The following SAFB variants were observed in gnomAD, a reference collection of about 807,000 sequenced individuals.
SAFB encodes scaffold attachment factor B1.
In SAFB, 15 loss-of-function variants were observed where a neutral mutation model predicts 101.6. The ratio of observed to expected loss-of-function variants is 0.15; its 90% CI spans 0.10 to 0.23. The LOEUF is 0.23. Among genes scored for constraint, SAFB ranks in the 10% least tolerant of loss-of-function variants. The pLI is 1.00. For synonymous variants in SAFB, 449 were observed against 407.5 expected (o/e 1.10, Z -1.23); for missense variants, 930 against 1,104.1 (o/e 0.84, Z 2.23).
chr19:5,652,228 C>G (rs2053955531), intron 9 of SAFB, among the ~76,000 whole-genome samples: 1 of 151,996 alleles, frequency 6.6e-6, no homozygotes, highest in Admixed American at 6.6e-5. Flanking sequence ...CTAATTATGT[C>G]ATTATTACGG....
chr19:5,628,603 C>T (rs2053420305), intron 2 of SAFB, among the ~76,000 whole-genome samples: 1 of 152,130 alleles, frequency 6.6e-6, no homozygotes, highest in Non-Finnish European at 1.5e-5. Context: ...TAATTGAAGG[C>T]CTGGTTCTCA....
chr19:5,662,671 C>T (rs370358317), intron 15 of SAFB, among the ~76,000 whole-genome samples: 10 of 148,152 alleles, frequency 6.7e-5, no homozygotes, highest in African/African-American at 2.3e-4. Flanking sequence ...GATAGAGTCT[C>T]GCTCTGTTGC....
At chr19:5,638,317 C>A (rs1258678303) in intron 2 of SAFB, among the ~76,000 whole-genome samples, 1 of 151,992 alleles carries the variant, frequency 6.6e-6, no homozygotes, top group Non-Finnish European at 1.5e-5. Context: ...TTACTAAACT[C>A]TTTTTATTTT....
At chr19:5,661,191 C>T (rs550644906) in intron 14 of SAFB, among the ~76,000 whole-genome samples, 83 of 152,074 alleles carry the variant, frequency 5.5e-4, no homozygotes, top group African/African-American at 1.6e-3. Context: ...AAAGTGCTGG[C>T]ATTACAGATG....
intron 4 of SAFB, among the ~76,000 whole-genome samples, chr19:5,645,011 C>T (rs2053796688): frequency 6.6e-6 from 1 of 152,232 alleles, no homozygotes; most frequent in African/African-American, 2.4e-5. Context: ...AGCCCTCACC[C>T]TGTGCTCAGA....
At chr19:5,648,372 A>C in intron 6 of SAFB, 1 of 341,200 alleles carries the variant, frequency 2.9e-6, no homozygotes, top group Non-Finnish European at 5.3e-6. Context: ...GCACCCACAA[A>C]ACAGATCTTG....
intron 1 of SAFB, among the ~76,000 whole-genome samples, chr19:5,625,574 G>C (rs1057470240): frequency 6.6e-6 from 1 of 152,168 alleles, no homozygotes; most frequent in Non-Finnish European, 1.5e-5. Context: ...GGAGAGTAAA[G>C]ACTGGAAAAG....
chr19:5,629,330 C>A (rs568231502), intron 2 of SAFB, among the ~76,000 whole-genome samples: 1 of 152,216 alleles, frequency 6.6e-6, no homozygotes, highest in African/African-American at 2.4e-5. Flanking sequence ...ACTAGGGAGG[C>A]CAAGGTAGGA....
chr19:5,627,668 C>T lies in SAFB; in HGVS notation c.274+1179C>T, dbSNP rs147810740. On this transcript the variant is annotated intron_variant, in intron 2 of 20. Coordinates refer to ENST00000588852, the MANE Select transcript of SAFB (RefSeq NM_001201338.2). ...CTGTGCTTTAGTCAGGCCCCAAACA[C>T]GTGATTTACTCTCCTGGTTCTCTGT... is the stretch of plus-strand genomic sequence containing the variant. 2.0e-4 allele frequency among the ~76,000 whole-genome samples: 30 copies of T among 152,222 alleles called. No homozygotes were observed. The East Asian group carries it at 4.6e-3, about 24-fold the overall frequency.
At chr19:5,643,199 A>G (rs909744878) in intron 4 of SAFB, among the ~76,000 whole-genome samples, 10 of 152,178 alleles carry the variant, frequency 6.6e-5, no homozygotes, top group African/African-American at 2.4e-4. Context: ...AATGTTTGTC[A>G]GACAGAAAAA....
intron 2 of SAFB, among the ~76,000 whole-genome samples, chr19:5,641,329 A>G (rs1406390636): frequency 1.3e-5 from 2 of 152,174 alleles, no homozygotes; most frequent in Non-Finnish European, 2.9e-5. Context: ...AGCTGAGGAC[A>G]GGTCTGATCC....
At chr19:5,630,754 CAA>C (rs1027303210) in intron 2 of SAFB, among the ~76,000 whole-genome samples, 4 of 78,982 alleles carry the variant, frequency 5.1e-5, no homozygotes, top group Non-Finnish European at 8.1e-5. Flanking sequence ...AGCTTCGTCT[CAA>C]AAAAAAAAAA....
In SAFB at chr19:5,641,025, G is replaced by A. The variant is rs367877313; in HGVS notation, c.275-569G>A. On this transcript the variant is annotated intron_variant, in intron 2 of 20. Transcript: ENST00000588852. ...GCTCAGTGCAACCTCCGCCTCCTGG[G>A]TTCAAGTGATTGTCCTGTATTTTTA... is the stretch of plus-strand genomic sequence containing the variant. Among the ~76,000 whole-genome samples, 120 of 151,674 alleles carry A rather than the reference G, an allele frequency of 7.9e-4. 1 individual carries two copies. The highest frequency in any genetic ancestry group is 2.9e-3 in the African/African-American group (118 of 41,340).
chr19:5,629,777 G>A (rs1297329295), intron 2 of SAFB, among the ~76,000 whole-genome samples: 2 of 152,200 alleles, frequency 1.3e-5, no homozygotes, highest in Admixed American at 6.5e-5. Flanking sequence ...AGCTGTCCCG[G>A]CCAAGTTCAG....
At chr19:5,664,741 G>A in intron 17 of SAFB, 1 of 364,376 alleles carries the variant, frequency 2.7e-6, no homozygotes, top group Non-Finnish European at 5.2e-6. Context: ...ACCTGGCTCT[G>A]CTGGGAAGTG....
intron 2 of SAFB, among the ~76,000 whole-genome samples, chr19:5,630,051 CAAAAACAA>C (rs1050937237): frequency 6.6e-5 from 10 of 152,024 alleles, no homozygotes; most frequent in African/African-American, 2.4e-4. Context: ...AAAACAAAAA[CAAAAACAA>C]AAAGCTGTCC....
intron 9 of SAFB, among the ~76,000 whole-genome samples, chr19:5,652,276 G>A (rs1288792350): frequency 1.3e-5 from 2 of 152,142 alleles, no homozygotes; most frequent in Admixed American, 1.3e-4. Flanking sequence ...GTGATACAAG[G>A]TGTGTGGCTG....
intron 2 of SAFB, among the ~76,000 whole-genome samples, chr19:5,634,013 C>T (rs2053545096): frequency 6.6e-6 from 1 of 152,130 alleles, no homozygotes; most frequent in African/African-American, 2.4e-5. Context: ...TTGTTAATCA[C>T]TTCTCCAGGA....
chr19:5,640,551 G>A (rs1279229068), intron 2 of SAFB, among the ~76,000 whole-genome samples: 1 of 151,468 alleles, frequency 6.6e-6, no homozygotes, highest in Non-Finnish European at 1.5e-5. Context: ...TGATGGAAAT[G>A]TATAAGTTAA....
Sources: gnomAD v4.1 joint callset for allele counts (sites outside exome capture counted in the v4.1 genomes callset) on GRCh38, gnomAD v4.1.1 for gene constraint, MANE v1.5 for transcripts, NCBI Gene and HGNC (gene_info 2026-07-23, HGNC 2026-07-21) for gene names.